The following OTUD7B variants were observed in gnomAD, a reference collection of about 807,000 sequenced individuals.
OTUD7B encodes OTU deubiquitinase 7B.
A neutral mutation model predicts 82.2 loss-of-function variants in OTUD7B; 34 were observed. The observed-to-expected ratio is 0.41, with a 90% CI of 0.31 to 0.55. The LOEUF (loss-of-function observed/expected upper bound fraction) is 0.55, where lower values mean the gene tolerates loss of function less well. Among genes scored for constraint, OTUD7B ranks in the 20% least tolerant of loss-of-function variants. OTUD7B has a pLI of 0.20. For missense variants in OTUD7B, 944 were observed against 1,062.1 expected (o/e 0.89, Z 1.55); for synonymous variants, 398 against 402.7 (o/e 0.99, Z 0.14).
the OTUD7B span, among the ~76,000 whole-genome samples, chr1:150,022,206 T>C: frequency 1.1e-4 from 16 of 152,086 alleles, no homozygotes; most frequent in Non-Finnish European, 2.1e-4. Context: ...GAGACCAGCC[T>C]GGCCAACATG....
the OTUD7B span, among the ~76,000 whole-genome samples, chr1:150,044,120 T>C: frequency 6.6e-6 from 1 of 151,886 alleles, no homozygotes; most frequent in Non-Finnish European, 1.5e-5. Context: ...AAAAAAATAA[T>C]AAAATAAAAT....
the OTUD7B span, among the ~76,000 whole-genome samples, chr1:150,022,057 C>A: frequency 6.6e-6 from 1 of 152,076 alleles, no homozygotes; most frequent in African/African-American, 2.4e-5. Flanking sequence ...AGTAATGGGT[C>A]AAGTCAAGAC....
Position 149,943,459 on chromosome 1 carries a change from G to T in OTUD7B, c.*398C>A. ...GCTTTTTCCCAACCTAAAGAACTTT[G>T]GTTTTATTGACTGAGAACCTCCTTT... On this transcript the variant is annotated 3_prime_UTR_variant, in exon 12 of 12. Coordinates refer to ENST00000581312, the MANE Select transcript of OTUD7B (RefSeq NM_020205.4). 1 of 180,322 alleles carries T rather than the reference G, an allele frequency of 5.5e-6. No individual in the cohort carries two copies. Among genetic ancestry groups the T allele is most frequent in the Admixed American group, 5.8e-5 (1 of 17,300 alleles). The allele number at this position is 180,322 out of a possible 1,614,324, so 11.2% of individuals were successfully genotyped here.
intron 10 of OTUD7B, among the ~76,000 whole-genome samples, chr1:149,948,385 T>TC (rs1395198699): frequency 1.3e-5 from 2 of 151,006 alleles, no homozygotes; most frequent in Non-Finnish European, 3.0e-5. Context: ...TCTTTTTTTT[T>TC]TTTTGAGACA....
chr1:150,044,216 T>TA, the OTUD7B span, among the ~76,000 whole-genome samples: 1 of 150,912 alleles, frequency 6.6e-6, no homozygotes, highest in Admixed American at 6.6e-5. Context: ...TATTTTATTT[T>TA]TTATTTTTTG....
the OTUD7B span, among the ~76,000 whole-genome samples, chr1:150,058,232 A>C: frequency 1.3e-5 from 2 of 152,170 alleles, no homozygotes; most frequent in Admixed American, 1.3e-4. Context: ...AAAACAAAGG[A>C]TATAGGCTGG....
At chr1:150,036,023 G>A in the OTUD7B span, among the ~76,000 whole-genome samples, 4 of 141,342 alleles carry the variant, frequency 2.8e-5, no homozygotes, top group African/African-American at 8.1e-5. Flanking sequence ...GTGCAAACTC[G>A]GCTCACTGAA....
chr1:149,997,881 A>G (rs1652020221), intron 1 of OTUD7B, among the ~76,000 whole-genome samples: 1 of 152,184 alleles, frequency 6.6e-6, no homozygotes, highest in Non-Finnish European at 1.5e-5. Context: ...AGAGCACTAA[A>G]CAACAATCAA....
At chr1:150,011,836 T>C (rs1244285008), upstream of OTUD7B, among the ~76,000 whole-genome samples, 1 of 152,258 alleles carries the variant, frequency 6.6e-6, no homozygotes, top group African/African-American at 2.4e-5. Context: ...AGTCAACTTT[T>C]CTTTCCCCTC....
intron 1 of OTUD7B, among the ~76,000 whole-genome samples, chr1:149,982,192 C>T (rs1299842693): frequency 6.6e-6 from 1 of 151,444 alleles, no homozygotes; most frequent in African/African-American, 2.4e-5. Flanking sequence ...TAAAAACATT[C>T]TTACTCATTA....
At chr1:150,057,454 C>A in the OTUD7B span, among the ~76,000 whole-genome samples, 2 of 152,296 alleles carry the variant, frequency 1.3e-5, no homozygotes, top group East Asian at 3.8e-4. Context: ...CCTCTTTATT[C>A]TCAGAGAGGC....
intron 7 of OTUD7B, among the ~76,000 whole-genome samples, chr1:149,952,575 T>C (rs1553773745): frequency 1.3e-5 from 2 of 152,238 alleles, no homozygotes; most frequent in Admixed American, 6.5e-5. Flanking sequence ...AGTAATGGGA[T>C]GGCTACGTCA....
In OTUD7B at chr1:149,944,526, G is replaced by A. The variant is rs1647547190; in HGVS notation, c.1863C>T (p.His621=). 3.1e-6 allele frequency: 5 copies of A among 1,613,920 alleles called. No individual in the cohort carries two copies. In the Admixed American group the frequency reaches 8.3e-5, roughly 27 times the overall value. The change falls in exon 12 of 12, where the codon CAC becomes CAT. Residue 621 remains histidine, a synonymous_variant. Coordinates refer to ENST00000581312, the MANE Select transcript of OTUD7B (RefSeq NM_020205.4). ...FVGTLKMGHR[H]QYQEEMIQRY... is the part of the protein sequence containing the mutation. The stretch of plus-strand genomic sequence containing the variant: ...GCTGGATCATTTCCTCCTGATACTG[G>A]TGACGGTGACCCATCTTCAGGGTTC...
chr1:149,956,618 C>T (rs1553774606), intron 7 of OTUD7B, among the ~76,000 whole-genome samples: 1 of 152,164 alleles, frequency 6.6e-6, no homozygotes, highest in African/African-American at 2.4e-5. Context: ...GTATAATATC[C>T]CGAAGAGTGT....
At chr1:150,037,582 G>C in the OTUD7B span, among the ~76,000 whole-genome samples, 2 of 151,974 alleles carry the variant, frequency 1.3e-5, no homozygotes, top group Non-Finnish European at 2.9e-5. Context: ...GATGAAGTTT[G>C]TATCTACTTT....
At chr1:150,062,708 C>CTTTTTTTTTT in the OTUD7B span, among the ~76,000 whole-genome samples, 29 of 96,046 alleles carry the variant, frequency 3.0e-4, no homozygotes, top group Non-Finnish European at 4.2e-4. Context: ...CTTCTTCTTT[C>CTTTTTTTTTT]TTTTTTTTTT....
At chr1:150,022,401 A>AAAC in the OTUD7B span, among the ~76,000 whole-genome samples, 2 of 9,424 alleles carry the variant, frequency 2.1e-4, 1 homozygote, top group East Asian at 3.6e-3. Context: ...CTCTACAAAA[A>AAAC]AAAAAAAAAA....
Position 149,977,442 on chromosome 1 carries a change from C to T in OTUD7B, c.69G>A (p.Ala23=), listed in dbSNP as rs782288426. ...VRSTGAEPGL[A]RDLLEGKNWD... is the part of the protein sequence containing the mutation. ...ACTCCTCACCTTCTAGGAGATCTCG[C>T]GCTAGCCCTGGCTCTGCTCCTGTGG... Residue 23 remains alanine, a synonymous_variant, in exon 2 of 12, where the codon GCG becomes GCA. Transcript: ENST00000581312. 52 of 1,613,260 alleles carry T rather than the reference C, an allele frequency of 3.2e-5. No homozygotes were observed. Among genetic ancestry groups the T allele is most frequent in the African/African-American group, 1.3e-4 (10 of 74,874 alleles).
intron 1 of OTUD7B, among the ~76,000 whole-genome samples, chr1:150,003,917 C>A (rs797023571): frequency 6.6e-6 from 1 of 152,134 alleles, no homozygotes; most frequent in Non-Finnish European, 1.5e-5. Context: ...CATTTCATTG[C>A]CACTTTAAAT....
Sources: allele counts gnomAD v4.1 joint callset (sites outside exome capture counted in the v4.1 genomes callset), GRCh38; gene constraint gnomAD v4.1.1; transcripts MANE v1.5; gene names NCBI Gene and HGNC (gene_info 2026-07-23, HGNC 2026-07-21).